RIPK2: variants seen among roughly 807,000 people sequenced by gnomAD.
RIPK2 encodes the protein receptor-interacting serine/threonine-protein kinase 2.
A neutral mutation model predicts 60.9 loss-of-function variants in RIPK2; 38 were observed. That is an observed-to-expected ratio of 0.62 (90% CI 0.48 to 0.82). RIPK2 has a LOEUF of 0.82. Among genes scored for constraint, RIPK2 ranks in the 40% least tolerant of loss-of-function variants. RIPK2 has a pLI of 0.00. For missense variants in RIPK2, 518 were observed against 647.0 expected, an observed-to-expected ratio of 0.80 and a Z score of 2.16; for synonymous variants, 225 against 223.4, an observed-to-expected ratio of 1.01 and a Z score of -0.06.
chr8:89,769,567 T>G (rs1292990298), intron 3 of RIPK2, among the ~76,000 whole-genome samples: 1 of 151,878 alleles, frequency 6.6e-6, no homozygotes, highest in Non-Finnish European at 1.5e-5. Context: ...TTTAACTCAG[T>G]ATGTATTGCT....
Position 89,757,834 on chromosome 8 carries a change from G to T in RIPK2, c.-227G>T, listed in dbSNP as rs1157175594. On this transcript the variant is annotated 5_prime_UTR_variant, in exon 1 of 11. Transcript: ENST00000220751. The stretch of plus-strand genomic sequence containing the variant: ...GGAAGCTCTTTCGCGGCGCTACGGC[G>T]TTGGCACCAGTCTCTAGAAAAGAAG... 9 of 1,285,920 alleles carry T rather than the reference G, an allele frequency of 7.0e-6. No homozygotes were observed. Among genetic ancestry groups the T allele is most frequent in the Non-Finnish European group, 8.9e-6 (9 of 1,015,750 alleles). The allele number at this position is 1,285,920 out of a possible 1,614,324, so 79.7% of individuals were successfully genotyped here.
intron 4 of RIPK2, 70 bp from the exon 5 acceptor site, chr8:89,771,671 T>C: frequency 3.0e-6 from 3 of 1,008,356 alleles, no homozygotes; most frequent in Middle Eastern, 4.4e-4. Context: ...CTTTTAAAAA[T>C]AGTGCTATTT....
At position 89,790,450 on chromosome 8, in the gene RIPK2, A is replaced by G. The variant is rs199573292; in HGVS notation, c.*34A>G. 3 of 1,442,954 alleles carry G rather than the reference A, an allele frequency of 2.1e-6. No homozygotes were observed. In the East Asian group the frequency reaches 6.9e-5, roughly 33 times the overall value. The allele number at this position is 1,442,954 out of a possible 1,614,324, so 89.4% of individuals were successfully genotyped here. ...TTTTCAAGAAGAAATGTGTTTCATA[A>G]AAGGATATTTATATCTCTGTTGCTT... On this transcript the variant is annotated 3_prime_UTR_variant, in exon 11 of 11. Coordinates refer to ENST00000220751, the MANE Select transcript of RIPK2 (RefSeq NM_003821.6).
At chr8:89,785,455 C>A (rs1239540042) in intron 8 of RIPK2, among the ~76,000 whole-genome samples, 1 of 151,592 alleles carries the variant, frequency 6.6e-6, no homozygotes, top group Non-Finnish European at 1.5e-5. Flanking sequence ...AAAAAAAAAA[C>A]TTTGTTTCAG....
chr8:89,775,520 G>A (rs1197270501), intron 6 of RIPK2, among the ~76,000 whole-genome samples: 3 of 152,016 alleles, frequency 2.0e-5, no homozygotes, highest in African/African-American at 7.2e-5. Flanking sequence ...ATACTCTACT[G>A]GAAAAAATGA....
rs758034935 is a variant in RIPK2 at position 89,790,143 on chromosome 8, A to C, written c.1350A>C (p.Gln450His). 1.2e-6 allele frequency: 2 copies of C among 1,614,156 alleles called. No homozygotes were observed. Among genetic ancestry groups the C allele is most frequent in the Non-Finnish European group, 1.7e-6 (2 of 1,180,008 alleles). ...IQSKREDIVNQMTEACLNQSL... is the reference protein window; with the variant it reads ...IQSKREDIVNHMTEACLNQSL... ...GCAAAAGGGAAGACATTGTGAACCA[A>C]ATGACAGAAGCCTGCCTTAACCAGT... Residue 450 changes from glutamine (Q) to histidine (H), a missense_variant, in exon 11 of 11, where the codon CAA (glutamine) becomes CAC (histidine). This residue lies in a region of RIPK2 where 29 missense variants were observed against 68.6 expected (regional missense o/e 0.42). Coordinates refer to ENST00000220751, the MANE Select transcript of RIPK2 (RefSeq NM_003821.6).
intron 2 of RIPK2, among the ~76,000 whole-genome samples, chr8:89,763,194 T>G (rs563051992): frequency 6.6e-5 from 10 of 152,270 alleles, no homozygotes; most frequent in Admixed American, 6.5e-4. Context: ...CTAGATTATT[T>G]TGCCTGGGTT....
intron 8 of RIPK2, among the ~76,000 whole-genome samples, chr8:89,784,833 G>T (rs1809558859): frequency 6.6e-6 from 1 of 152,128 alleles, no homozygotes; most frequent in Non-Finnish European, 1.5e-5. Flanking sequence ...TCCAGGATTG[G>T]GCAGCTGCAT....
chr8:89,777,509 T>A (rs1809418458), intron 6 of RIPK2, among the ~76,000 whole-genome samples: 1 of 152,080 alleles, frequency 6.6e-6, no homozygotes, highest in African/African-American at 2.4e-5. Context: ...GAACTTAGAG[T>A]TTATTTTTAA....
At chr8:89,788,827 G>T (rs1809628635) in intron 9 of RIPK2, among the ~76,000 whole-genome samples, 1 of 151,842 alleles carries the variant, frequency 6.6e-6, no homozygotes, top group Non-Finnish European at 1.5e-5. Context: ...AGGGAGGCAG[G>T]GAGGGAGGAA....
rs201325791 is a variant in RIPK2, at chr8:89,758,124, C to T, written c.64C>T (p.Arg22Cys). The T allele has an allele frequency of 1.9e-6, 3 of 1,603,712 alleles. No homozygotes were observed. Among genetic ancestry groups the T allele is most frequent in the South Asian group, 1.1e-5 (1 of 89,448 alleles). ...TCCCTACCACAAACTCGCCGACCTG[C>T]GCTACCTGAGCCGCGGCGCCTCTGG... is the stretch of plus-strand genomic sequence containing the variant. ...TIPYHKLADL[R>C]YLSRGASGTV... Residue 22 changes from arginine to cysteine, a missense_variant, in exon 1 of 11, where the codon CGC becomes TGC. By Grantham distance (180) the Arg-to-Cys change is radical. This residue lies in a region of RIPK2 where 448 missense variants were observed against 534.7 expected (regional missense o/e 0.84). Transcript: ENST00000220751.
Position 89,758,158 on chromosome 8 carries a change from C to G in RIPK2, c.98C>G (p.Ser33Trp). 1.3e-6 allele frequency: 2 copies of G among 1,595,182 alleles called. No individual in the cohort carries two copies. Among genetic ancestry groups the G allele is most frequent in the Non-Finnish European group, 1.7e-6 (2 of 1,172,770 alleles). ...AGCCGCGGCGCCTCTGGCACTGTGT[C>G]GTCCGCCCGCCACGCAGACTGGCGC... ...YLSRGASGTV[S>W]SARHADWRVQ... The change falls in exon 1 of 11, where the codon TCG (serine) becomes TGG (tryptophan). Residue 33 changes from serine (S) to tryptophan (W), a missense_variant. Around this residue, in one of 3 missense-constraint regions of RIPK2, gnomAD observed 448 missense variants for 534.7 expected, o/e 0.84. Coordinates refer to ENST00000220751, the MANE Select transcript of RIPK2 (RefSeq NM_003821.6).
intron 7 of RIPK2, among the ~76,000 whole-genome samples, chr8:89,781,856 T>C (rs926115111): frequency 1.3e-5 from 2 of 152,248 alleles, no homozygotes; most frequent in African/African-American, 4.8e-5. Context: ...CAATAACCGA[T>C]AATAAAGTAG....
chr8:89,771,887 C>A, intron 5 of RIPK2, 97 bp downstream of exon 5: 1 of 849,632 alleles, frequency 1.2e-6, no homozygotes, highest in South Asian at 1.5e-5. Flanking sequence ...TCTGCTTATT[C>A]ATTTTGTGGA....
In RIPK2 at chr8:89,758,055, G is replaced by T. The variant is rs753431116; in HGVS notation, c.-6G>T. Reference sequence around the variant, plus strand: ...ACACCCGGAACCGGCCTGAGCGCCCGGGACCATGAACGGGGAGGCCATCTG... The same window carrying T: ...ACACCCGGAACCGGCCTGAGCGCCCTGGACCATGAACGGGGAGGCCATCTG... On this transcript the variant is annotated 5_prime_UTR_variant, in exon 1 of 11. Transcript: ENST00000220751. 6.3e-7 allele frequency: 1 copy of T among 1,588,508 alleles called. No individual in the cohort carries two copies.
At chr8:89,763,196 G>T (rs1809174344) in intron 2 of RIPK2, among the ~76,000 whole-genome samples, 1 of 151,972 alleles carries the variant, frequency 6.6e-6, no homozygotes, top group African/African-American at 2.4e-5. Flanking sequence ...AGATTATTTT[G>T]CCTGGGTTAC....
chr8:89,772,804 C>G lies in RIPK2; in HGVS notation c.829C>G (p.Pro277Ala). Residue 277 changes from proline to alanine, a missense_variant, in exon 6 of 11, where the codon CCA becomes GCA. Transcript: ENST00000220751. ...AATAGAAAGTGGATGGGCACAAAAT[C>G]CAGATGAAAGACCATCTTTCTTAAG... Reference protein sequence around the residue: ...SLIESGWAQNPDERPSFLKCL... With the variant: ...SLIESGWAQNADERPSFLKCL... 6.2e-7 allele frequency: 1 copy of G among 1,606,574 alleles called. No individual in the cohort carries two copies. The highest frequency in any genetic ancestry group is 8.5e-7 in the Non-Finnish European group (1 of 1,176,578).
Position 89,790,317 on chromosome 8 carries a change from A to G in RIPK2, c.1524A>G (p.Lys508=), listed in dbSNP as rs1198629032. ...AATTTGCCAAAGTTATAGTACAAAA[A>G]TTGAAAGATAACAAACAAATGGGTC... The part of the protein sequence containing the change: ...GEEFAKVIVQ[K]LKDNKQMGLQ... The change falls in exon 11 of 11, where the codon AAA becomes AAG. Residue 508 remains lysine (K), a synonymous_variant. Coordinates refer to ENST00000220751, the MANE Select transcript of RIPK2 (RefSeq NM_003821.6). 1 of 1,614,152 alleles carries G rather than the reference A, an allele frequency of 6.2e-7. No homozygotes were observed.
intron 6 of RIPK2, among the ~76,000 whole-genome samples, chr8:89,778,508 C>G (rs564651619): frequency 6.6e-6 from 1 of 152,170 alleles, no homozygotes; most frequent in Non-Finnish European, 1.5e-5. Context: ...GTAATCTATT[C>G]TCTGTCTTTC....
Sources: allele counts gnomAD v4.1 joint callset (sites outside exome capture counted in the v4.1 genomes callset), GRCh38; gene constraint gnomAD v4.1.1; regional missense constraint gnomAD v4.1.1; transcripts MANE v1.5; gene names NCBI Gene and HGNC (gene_info 2026-07-23, HGNC 2026-07-21).